PPM1H: variants seen among roughly 807,000 people sequenced by gnomAD.
PPM1H encodes protein phosphatase, Mg2+/Mn2+ dependent 1H, also known as protein phosphatase 1H.
Under a neutral mutation model 54.9 loss-of-function variants are expected in PPM1H, and 27 were observed. That is an observed-to-expected ratio of 0.49 (90% CI 0.36 to 0.68). The LOEUF (loss-of-function observed/expected upper bound fraction) is 0.68. Among genes scored for constraint, PPM1H ranks in the 30% least tolerant of loss-of-function variants. PPM1H has a pLI of 0.00. For missense variants in PPM1H, 596 were observed against 667.8 expected, an observed-to-expected ratio of 0.89 and a Z score of 1.19; for synonymous variants, 305 against 270.8, an observed-to-expected ratio of 1.13 and a Z score of -1.24.
chr12:62,906,758 A>T (rs543433464), intron 1 of PPM1H, among the ~76,000 whole-genome samples: 1 of 152,356 alleles, frequency 6.6e-6, no homozygotes, highest in Admixed American at 6.5e-5. Flanking sequence ...TACACAGTTG[A>T]TAAGAGTTCT....
At chr12:62,909,161 T>C (rs755488247) in intron 1 of PPM1H, among the ~76,000 whole-genome samples, 1 of 152,178 alleles carries the variant, frequency 6.6e-6, no homozygotes, top group Non-Finnish European at 1.5e-5. Flanking sequence ...CCTTTCAAAC[T>C]ATATCCAGAA....
intron 1 of PPM1H, among the ~76,000 whole-genome samples, chr12:62,875,548 G>T (rs540914739): frequency 5.9e-5 from 9 of 152,166 alleles, no homozygotes; most frequent in African/African-American, 2.2e-4. Context: ...GAATGGGCTC[G>T]TTAAAATACC....
intron 4 of PPM1H, among the ~76,000 whole-genome samples, chr12:62,739,389 GA>G (rs2076369647): frequency 6.6e-6 from 1 of 152,126 alleles, no homozygotes; most frequent in African/African-American, 2.4e-5. Context: ...AAACACAGGA[GA>G]ATTTGAAAGG....
rs75609028 is a variant in PPM1H, at chr12:62,909,595, C to T, written c.245+24897G>A. 1.2e-4 allele frequency among the ~76,000 whole-genome samples: 19 copies of T among 152,310 alleles called. No homozygotes were observed. In the South Asian group the frequency reaches 3.7e-3, roughly 30 times the overall value. On this transcript the variant is annotated intron_variant, in intron 1 of 9. Transcript: ENST00000228705. ...ATGTATGTCACTCTCTGATTTCACTCAGGTCAACAACTAACCTCCCTAGAG... is the reference window on the plus strand; with the variant it reads ...ATGTATGTCACTCTCTGATTTCACTTAGGTCAACAACTAACCTCCCTAGAG...
At chr12:62,814,576 A>C (rs1202851107) in intron 2 of PPM1H, among the ~76,000 whole-genome samples, 1 of 152,190 alleles carries the variant, frequency 6.6e-6, no homozygotes, top group African/African-American at 2.4e-5. Context: ...AGTTGTCTGA[A>C]GGGAAAAAGT....
intron 6 of PPM1H, among the ~76,000 whole-genome samples, chr12:62,695,251 G>A (rs2076107342): frequency 1.3e-5 from 2 of 152,172 alleles, no homozygotes; most frequent in African/African-American, 4.8e-5. Flanking sequence ...GAATCAGTGA[G>A]GTTTTGGCAC....
At chr12:62,734,334 G>T (rs766799274) in intron 5 of PPM1H, among the ~76,000 whole-genome samples, 2 of 152,154 alleles carry the variant, frequency 1.3e-5, no homozygotes, top group Non-Finnish European at 2.9e-5. Context: ...GATGAAGACA[G>T]ATTTGTAGTG....
intron 1 of PPM1H, among the ~76,000 whole-genome samples, chr12:62,879,604 G>T (rs1296143878): frequency 6.6e-6 from 1 of 152,102 alleles, no homozygotes; most frequent in Non-Finnish European, 1.5e-5. Context: ...CCACACTGGG[G>T]CCTGTTGGGG....
intron 6 of PPM1H, among the ~76,000 whole-genome samples, chr12:62,713,013 C>T (rs1458321022): frequency 6.6e-6 from 1 of 152,206 alleles, no homozygotes; most frequent in East Asian, 1.9e-4. Flanking sequence ...TGCTTGAATG[C>T]ACTGTCAGAG....
At chr12:62,927,644 A>G (rs1175826799) in intron 1 of PPM1H, among the ~76,000 whole-genome samples, 3 of 151,498 alleles carry the variant, frequency 2.0e-5, no homozygotes, top group African/African-American at 7.3e-5. Context: ...CCTGGGCAAC[A>G]AGAGCGAAAC....
At chr12:62,843,873 C>G (rs748889566) in intron 1 of PPM1H, among the ~76,000 whole-genome samples, 12 of 152,182 alleles carry the variant, frequency 7.9e-5, no homozygotes, top group African/African-American at 1.4e-4. Context: ...TGAAAACTAG[C>G]TGTTATCTGA....
chr12:62,708,780 A>G (rs895959971), intron 6 of PPM1H, among the ~76,000 whole-genome samples: 1 of 152,180 alleles, frequency 6.6e-6, no homozygotes, highest in Non-Finnish European at 1.5e-5. Flanking sequence ...ACACTGGTAT[A>G]TTGTGTGATG....
rs760993330 is a variant in PPM1H, at chr12:62,801,890, G to C, written c.682C>G (p.Arg228Gly). Reference sequence around the variant, plus strand: ...GGAATCTTCTTCTCGGTAAAGAAGCGTGTGGGGGGCGTGCTGGGGGAGCCC... The same window carrying C: ...GGAATCTTCTTCTCGGTAAAGAAGCCTGTGGGGGGCGTGCTGGGGGAGCCC... ...APGSPSTPPTRFFTEKKIPHE... is the reference protein window; with the variant it reads ...APGSPSTPPTGFFTEKKIPHE... The change falls in exon 3 of 10, where the codon CGC becomes GGC. Residue 228 changes from arginine (R) to glycine (G), a missense_variant. Physicochemically the swap from Arg to Gly is moderately radical, Grantham distance 125. Transcript: ENST00000228705. 1.2e-6 allele frequency: 2 copies of C among 1,613,854 alleles called. No homozygotes were observed.
At chr12:62,814,773 T>TATTG (rs1474094353) in intron 2 of PPM1H, among the ~76,000 whole-genome samples, 1 of 152,216 alleles carries the variant, frequency 6.6e-6, no homozygotes, top group Non-Finnish European at 1.5e-5. Flanking sequence ...AAATGTCCTG[T>TATTG]ATGAGCACAG....
intron 4 of PPM1H, among the ~76,000 whole-genome samples, chr12:62,787,345 T>G (rs1428637947): frequency 6.6e-6 from 1 of 151,610 alleles, no homozygotes; most frequent in Middle Eastern, 3.2e-3. Context: ...GGGGGAAGAG[T>G]CCTGTACTTT....
intron 6 of PPM1H, among the ~76,000 whole-genome samples, chr12:62,698,560 G>T (rs2076126093): frequency 6.6e-6 from 1 of 151,956 alleles, no homozygotes; most frequent in South Asian, 2.1e-4. Context: ...GGCCCTCTAG[G>T]GTCTTTCTGG....
chr12:62,930,004 A>T (rs1390426929), intron 1 of PPM1H, among the ~76,000 whole-genome samples: 1 of 152,174 alleles, frequency 6.6e-6, no homozygotes, highest in Non-Finnish European at 1.5e-5. Context: ...GTATGCCAGG[A>T]AAAGTTAGAA....
At chr12:62,734,847 A>G (rs1285726956) in intron 5 of PPM1H, among the ~76,000 whole-genome samples, 1 of 152,162 alleles carries the variant, frequency 6.6e-6, no homozygotes, top group Admixed American at 6.5e-5. Context: ...GTTTAAGACC[A>G]GCCCTGGCAA....
chr12:62,839,916 TAGTCCCA>T, intron 1 of PPM1H, among the ~76,000 whole-genome samples: 1 of 149,772 alleles, frequency 6.7e-6, no homozygotes, highest in South Asian at 2.1e-4. Context: ...CACGTGCCTA[TAGTCCCA>T]GGTACTTGAG....
Sources: allele counts gnomAD v4.1 joint callset (sites outside exome capture counted in the v4.1 genomes callset), GRCh38; gene constraint gnomAD v4.1.1; transcripts MANE v1.5; gene names NCBI Gene and HGNC (gene_info 2026-07-23, HGNC 2026-07-21).